The following TMEM132D variants were observed in gnomAD, a reference collection of about 807,000 sequenced individuals.
TMEM132D encodes transmembrane protein 132D, also known as mature OL transmembrane protein.
Under a neutral mutation model 62.3 loss-of-function variants are expected in TMEM132D, and 21 were observed. The ratio of observed to expected loss-of-function variants is 0.34; its 90% CI spans 0.24 to 0.49. TMEM132D has a LOEUF of 0.49. Ranked by LOEUF, TMEM132D falls within the 20% of genes least tolerant of loss-of-function variation. TMEM132D has a pLI of 0.99. For synonymous variants in TMEM132D, 621 were observed against 575.6 expected, an observed-to-expected ratio of 1.08 and a Z score of -1.13; for missense variants, 1,346 against 1,402.8, an observed-to-expected ratio of 0.96 and a Z score of 0.65.
intron 4 of TMEM132D, among the ~76,000 whole-genome samples, chr12:129,314,661 C>T (rs147454672): frequency 6.6e-6 from 1 of 152,004 alleles, no homozygotes; most frequent in Non-Finnish European, 1.5e-5. Flanking sequence ...GTGAAGAATG[C>T]TGGTGGTATT....
In TMEM132D at chr12:129,861,544, T is replaced by C. The variant is rs557063826; in HGVS notation, c.79+41717A>G. Among the ~76,000 whole-genome samples, 10 of 152,298 alleles carry C rather than the reference T, an allele frequency of 6.6e-5. No individual in the cohort carries two copies. The East Asian group carries it at 1.4e-3, about 21-fold the overall frequency. On this transcript the variant is annotated intron_variant, in intron 1 of 8. Transcript: ENST00000422113. ...GGGAGGCCAAGGTGGGTGAATCACC[T>C]GAGGACAGTAGTTCGAGACCAGCCT...
Position 129,525,226 on chromosome 12 carries a change from G to GTTTTTTT in TMEM132D, c.1115+5826_1115+5832dup, listed in dbSNP as rs765569025. On this transcript the variant is annotated intron_variant, in intron 3 of 8. Transcript: ENST00000422113. Reference sequence around the variant, plus strand: ...GGGTATGAGCCACGGTGCCCAGCCGGTTTTTTTTTTTTTTTTTTTTTTTTT... The same window carrying GTTTTTTT: ...GGGTATGAGCCACGGTGCCCAGCCGGTTTTTTTTTTTTTTTTTTTTTTTTTTTTTTTT... Among the ~76,000 whole-genome samples the GTTTTTTT allele has an allele frequency of 2.1e-4, 14 of 67,394 alleles. 2 individuals are homozygous for GTTTTTTT. The highest frequency in any genetic ancestry group is 2.6e-4 in the Non-Finnish European group (9 of 34,748). The allele number at this position is 67,394 out of a possible 152,430, so 44.2% of individuals were successfully genotyped here.
chr12:129,401,963 C>T (rs1243518464), intron 3 of TMEM132D, among the ~76,000 whole-genome samples: 1 of 152,176 alleles, frequency 6.6e-6, no homozygotes, highest in Non-Finnish European at 1.5e-5. Flanking sequence ...CAATGAGTGG[C>T]TGCAATTCAA....
intron 2 of TMEM132D, chr12:129,681,621 T>G (rs903469808): frequency 1.3e-5 from 2 of 152,248 alleles, no homozygotes; most frequent in African/African-American, 4.8e-5. Flanking sequence ...AAAGCTTCCT[T>G]TGATCTATCC....
chr12:129,654,454 T>C (rs2137185897), intron 2 of TMEM132D, among the ~76,000 whole-genome samples: 1 of 152,310 alleles, frequency 6.6e-6, no homozygotes, highest in African/African-American at 2.4e-5. Flanking sequence ...GTACTATAAA[T>C]AGATCTATGC....
At chr12:129,532,246 A>C (rs1201647045) in intron 2 of TMEM132D, among the ~76,000 whole-genome samples, 1 of 152,144 alleles carries the variant, frequency 6.6e-6, no homozygotes, top group African/African-American at 2.4e-5. Context: ...CGCTGATGGT[A>C]CCTGACCTAG....
At chr12:129,901,600 T>TTACTAGTAAAG (rs1209470380) in intron 1 of TMEM132D, among the ~76,000 whole-genome samples, 2 of 152,204 alleles carry the variant, frequency 1.3e-5, no homozygotes, top group East Asian at 3.8e-4. Flanking sequence ...TAAAGAGGCT[T>TTACTAGTAAAG]CCACATCACA....
intron 1 of TMEM132D, among the ~76,000 whole-genome samples, chr12:129,763,969 C>A (rs1481709219): frequency 6.6e-6 from 1 of 152,210 alleles, no homozygotes; most frequent in African/African-American, 2.4e-5. Context: ...ATGATTTAAT[C>A]AGATCACACC....
At chr12:129,258,304 A>C (rs1403356826) in intron 4 of TMEM132D, among the ~76,000 whole-genome samples, 1 of 152,104 alleles carries the variant, frequency 6.6e-6, no homozygotes, top group Non-Finnish European at 1.5e-5. Context: ...CATGCTAGCA[A>C]AGATAATTAT....
chr12:129,128,570 TG>T (rs1876283209), intron 5 of TMEM132D, among the ~76,000 whole-genome samples: 1 of 152,156 alleles, frequency 6.6e-6, no homozygotes, highest in African/African-American at 2.4e-5. Flanking sequence ...CCTTGACATG[TG>T]GGGCTTACAA....
intron 3 of TMEM132D, among the ~76,000 whole-genome samples, chr12:129,523,979 T>A (rs939027160): frequency 1.5e-4 from 23 of 152,228 alleles, no homozygotes; most frequent in African/African-American, 5.3e-4. Context: ...CCAGAAAATA[T>A]CTTTGCATAC....
At chr12:129,160,966 C>G (rs1021616336) in intron 5 of TMEM132D, among the ~76,000 whole-genome samples, 1 of 152,220 alleles carries the variant, frequency 6.6e-6, no homozygotes, top group Non-Finnish European at 1.5e-5. Context: ...GCATCACTCT[C>G]TGCAGAAAAA....
chr12:129,074,323 G>A lies in TMEM132D; in HGVS notation c.2852C>T (p.Pro951Leu), dbSNP rs532510769. 1.2e-6 allele frequency: 2 copies of A among 1,614,082 alleles called. No individual in the cohort carries two copies. The highest frequency in any genetic ancestry group is 2.2e-5 in the South Asian group (2 of 91,070). The change falls in exon 9 of 9, where the codon CCC becomes CTC. Residue 951 changes from proline to leucine, a missense_variant. Pro to Leu is a moderately conservative substitution (Grantham distance 98). Transcript: ENST00000422113. Reference protein sequence around the residue: ...FALKYRHKQVPFEEQEGMSHS... With the variant: ...FALKYRHKQVLFEEQEGMSHS... ...ACTCATCCCTTCCTGCTCCTCGAAGGGAACCTGTTTGTGTCTGTATTTTAA... is the reference window on the plus strand; with the variant it reads ...ACTCATCCCTTCCTGCTCCTCGAAGAGAACCTGTTTGTGTCTGTATTTTAA...
chr12:129,261,213 T>G (rs1880542963), intron 4 of TMEM132D, among the ~76,000 whole-genome samples: 1 of 152,176 alleles, frequency 6.6e-6, no homozygotes, highest in South Asian at 2.1e-4. Flanking sequence ...TACCATAGAT[T>G]GTGATGCAGT....
chr12:129,206,079 CAACAAA>C lies in TMEM132D; in HGVS notation c.1443+3435_1443+3440del, dbSNP rs529361957. ...ATGAGGAAGATGCCAAAAGCAATTG[CAACAAA>C]AACAAAAATTGACAAACAGGATCTA... On this transcript the variant is annotated intron_variant, in intron 5 of 8. Transcript: ENST00000422113. 2.5e-3 allele frequency among the ~76,000 whole-genome samples: 384 copies of C among 152,140 alleles called. 2 individuals carry two copies. The highest frequency in any genetic ancestry group is 9.0e-3 in the African/African-American group (374 of 41,508).
chr12:129,494,251 C>T (rs550030185), intron 3 of TMEM132D, among the ~76,000 whole-genome samples: 15 of 152,238 alleles, frequency 9.9e-5, no homozygotes, highest in South Asian at 4.2e-4. Context: ...CCAGGGTAAG[C>T]GATTGGCGTT....
chr12:129,361,554 C>G (rs1238562998), intron 3 of TMEM132D, among the ~76,000 whole-genome samples: 1 of 152,202 alleles, frequency 6.6e-6, no homozygotes, highest in Non-Finnish European at 1.5e-5. Flanking sequence ...GAATGTGCCA[C>G]TGACATAAAG....
At chr12:129,660,167 G>C (rs1204945861) in intron 2 of TMEM132D, among the ~76,000 whole-genome samples, 2 of 152,166 alleles carry the variant, frequency 1.3e-5, no homozygotes, top group Non-Finnish European at 2.9e-5. Context: ...AAGAGAGAGA[G>C]AGAGAGAGGC....
chr12:129,628,274 A>G (rs1879271976), intron 2 of TMEM132D, among the ~76,000 whole-genome samples: 1 of 152,192 alleles, frequency 6.6e-6, no homozygotes, highest in South Asian at 2.1e-4. Flanking sequence ...TAGAAAGAAA[A>G]GAAATTGGTG....
Sources: gnomAD v4.1 joint callset for allele counts (sites outside exome capture counted in the v4.1 genomes callset) on GRCh38, gnomAD v4.1.1 for gene constraint, MANE v1.5 for transcripts, NCBI Gene and HGNC (gene_info 2026-07-23, HGNC 2026-07-21) for gene names.